Variants in MPP2 observed in about 807,000 individuals in gnomAD.
MPP2 encodes the protein MAGUK p55 subfamily member 2.
MPP2 carries 42 observed loss-of-function variants against 58.5 expected under a neutral mutation model. That is an observed-to-expected ratio of 0.72 (90% CI 0.56 to 0.93). The LOEUF (loss-of-function observed/expected upper bound fraction) is 0.93, where lower values mean the gene tolerates loss of function less well. Ranked by LOEUF, MPP2 falls within the 40% of genes least tolerant of loss-of-function variation. MPP2 has a pLI of 0.00. For missense variants in MPP2, 632 were observed against 760.4 expected (o/e 0.83, Z 1.99); for synonymous variants, 300 against 307.8 (o/e 0.97, Z 0.26).
In MPP2 at chr17:43,877,692, A is replaced by G; in HGVS notation, c.*115T>C. On this transcript the variant is annotated 3_prime_UTR_variant, in exon 13 of 13. Transcript: ENST00000269095. ...TAGGGCCTGCTGGGAGCTGTTACCCAAGGACAGCCAGATATGGGGGCTAAG... is the reference window on the plus strand; with the variant it reads ...TAGGGCCTGCTGGGAGCTGTTACCCGAGGACAGCCAGATATGGGGGCTAAG... 1 of 926,630 alleles carries G rather than the reference A, an allele frequency of 1.1e-6. No homozygotes were observed. Among genetic ancestry groups the G allele is most frequent in the Non-Finnish European group, 1.7e-6 (1 of 593,352 alleles). 57.4% of individuals were successfully genotyped at this position (926,630 alleles called of 1,614,324 possible).
Position 43,880,743 on chromosome 17 carries a change from C to T in MPP2, c.1098G>A (p.Leu366=). ...GATCCCACATGATGAGCTTGTTCTT[C>T]AGGCTGCGCCGTCCCACGCCCTGAG... is the stretch of plus-strand genomic sequence containing the variant. ...IGAQGVGRRS[L]KNKLIMWDPD... is the part of the protein sequence containing the mutation. The change falls in exon 10 of 13, where the codon CTG becomes CTA. Residue 366 remains leucine (L), a synonymous_variant. Coordinates refer to ENST00000269095, the MANE Select transcript of MPP2 (RefSeq NM_005374.5). The surrounding 1 kb of genome is among the most constrained non-coding windows in gnomAD (Gnocchi z 5.2). The T allele has an allele frequency of 3.1e-6, 5 of 1,613,994 alleles. No homozygotes were observed. Among genetic ancestry groups the T allele is most frequent in the Non-Finnish European group, 4.2e-6 (5 of 1,179,910 alleles).
intron 1 of MPP2, 38 bp from the exon 2 acceptor site, chr17:43,904,531 G>GCAGATA: frequency 6.3e-7 from 1 of 1,577,072 alleles, no homozygotes; most frequent in Non-Finnish European, 8.7e-7. Flanking sequence ...AGATACAAGG[G>GCAGATA]CAAAGCAATG....
At chr17:43,885,999 T>C (rs2047351756) in intron 3 of MPP2, among the ~76,000 whole-genome samples, 1 of 151,554 alleles carries the variant, frequency 6.6e-6, no homozygotes, top group Non-Finnish European at 1.5e-5. Flanking sequence ...TCCCAGCTAC[T>C]CAGGAGGCTG....
At chr17:43,909,077 A>AT (rs1423497324), upstream of MPP2, among the ~76,000 whole-genome samples, 1 of 151,484 alleles carries the variant, frequency 6.6e-6, no homozygotes, top group Non-Finnish European at 1.5e-5. Context: ...TTTTATTTTT[A>AT]TTTTTTGAGA....
At chr17:43,883,119 A>G in intron 4 of MPP2, 67 bp from the exon 5 acceptor site, 1 of 1,559,078 alleles carries the variant, frequency 6.4e-7, no homozygotes, top group Non-Finnish European at 8.7e-7. Context: ...TCCCAGATCC[A>G]ACTTCCTGCT....
chr17:43,904,305 G>T, intron 2 of MPP2, 125 bp downstream of exon 2: 1 of 812,662 alleles, frequency 1.2e-6, no homozygotes, highest in Non-Finnish European at 2.1e-6. Flanking sequence ...ATGGCTGAGT[G>T]GTAGGGTGGA....
chr17:43,897,557 C>A (rs759989706), intron 3 of MPP2, among the ~76,000 whole-genome samples: 2 of 152,182 alleles, frequency 1.3e-5, no homozygotes, highest in Non-Finnish European at 2.9e-5. Context: ...CCACATACAG[C>A]CCCCAGTGCC....
intron 3 of MPP2, among the ~76,000 whole-genome samples, chr17:43,884,458 G>A (rs1440649643): frequency 2.0e-5 from 3 of 152,160 alleles, no homozygotes; most frequent in Non-Finnish European, 2.9e-5. Context: ...GGCTTCAAGT[G>A]ATCCTCCTGC....
rs766026040 is a variant in MPP2, at chr17:43,880,869, G to A, written c.989-17C>T. ...GGTCAAACTCTGGACACAGGGAGAT[G>A]GCGCTGCTCACCAGGCTGCACGGTG... On this transcript the variant is annotated splice_polypyrimidine_tract_variant and intron_variant, in intron 9 of 12. Transcript: ENST00000269095. This position sits in a 1 kb window ranked among gnomAD's most constrained non-coding sequence, Gnocchi z 5.2. 2 of 1,586,562 alleles carry A rather than the reference G, an allele frequency of 1.3e-6. No homozygotes were observed. Among genetic ancestry groups the A allele is most frequent in the South Asian group, 2.3e-5 (2 of 87,224 alleles).
intron 1 of MPP2, 89 bp downstream of exon 1, chr17:43,907,385 A>C: frequency 2.0e-6 from 2 of 985,526 alleles, no homozygotes; most frequent in Non-Finnish European, 2.4e-6. Context: ...GTTTAAACCC[A>C]GTGAATAGGG....
At chr17:43,884,551 T>C (rs2047283944) in intron 3 of MPP2, among the ~76,000 whole-genome samples, 1 of 152,206 alleles carries the variant, frequency 6.6e-6, no homozygotes, top group South Asian at 2.1e-4. Context: ...CAGTAGTTTT[T>C]AGGATGCTCT....
Position 43,881,061 on chromosome 17 carries a change from G to C in MPP2, c.988+29C>G, listed in dbSNP as rs372591611. The stretch of plus-strand genomic sequence containing the variant: ...GGAAAGGCATGCCATGTTAGAGGAG[G>C]GTAAGGGAGGGGGCGCTCTGATACC... On this transcript the variant is annotated intron_variant, in intron 9 of 12. Coordinates refer to ENST00000269095, the MANE Select transcript of MPP2 (RefSeq NM_005374.5). The C allele has an allele frequency of 3.7e-6, 6 of 1,611,424 alleles. No individual in the cohort carries two copies. The African/African-American group carries it at 8.0e-5, about 22-fold the overall frequency.
At chr17:43,887,993 T>A (rs570561596) in intron 3 of MPP2, among the ~76,000 whole-genome samples, 1 of 152,250 alleles carries the variant, frequency 6.6e-6, no homozygotes, top group East Asian at 1.9e-4. Flanking sequence ...AGATTATGCA[T>A]GACTTGTTGA....
Position 43,906,261 on chromosome 17 carries a change from G to A in MPP2, c.-34+1213C>T, listed in dbSNP as rs112384279. ...TTCTCCCGGGGAATCGGTTCCCAGAGCATCGGCTGGCTTTGCTCCCCCACG... is the reference window on the plus strand; with the variant it reads ...TTCTCCCGGGGAATCGGTTCCCAGAACATCGGCTGGCTTTGCTCCCCCACG... On this transcript the variant is annotated intron_variant, in intron 1 of 12. Transcript: ENST00000269095. 2.6e-5 allele frequency: 11 copies of A among 419,656 alleles called. 1 individual carries two copies. The highest frequency in any genetic ancestry group is 2.2e-5 in the Non-Finnish European group (7 of 315,560). 26.0% of individuals were successfully genotyped at this position (419,656 alleles called of 1,614,324 possible).
Position 43,879,352 on chromosome 17 carries a change from CGAT to C in MPP2, c.1402_1404del (p.Ile468del). On this transcript the variant is annotated inframe_deletion, in exon 12 of 13. Coordinates refer to ENST00000269095, the MANE Select transcript of MPP2 (RefSeq NM_005374.5). This position sits in a 1 kb window ranked among gnomAD's most constrained non-coding sequence, Gnocchi z 4.1. ...CGCAGGGTCTCGAAGTCTGGGGCCT[CGAT>C]GAACACCACGTAAGGGACAAACTCG... 1.9e-6 allele frequency: 3 copies of C among 1,614,118 alleles called. No individual in the cohort carries two copies. Among genetic ancestry groups the C allele is most frequent in the Non-Finnish European group, 2.5e-6 (3 of 1,180,006 alleles).
intron 2 of MPP2, among the ~76,000 whole-genome samples, chr17:43,903,293 A>G (rs1357231758): frequency 6.6e-6 from 1 of 151,862 alleles, no homozygotes; most frequent in African/African-American, 2.4e-5. Context: ...AAAAAAAAGA[A>G]AAAGAAAAAA....
chr17:43,895,412 T>C (rs1443902279), intron 3 of MPP2, among the ~76,000 whole-genome samples: 1 of 152,246 alleles, frequency 6.6e-6, no homozygotes, highest in Non-Finnish European at 1.5e-5. Context: ...CCGTGCCGTG[T>C]GCCTCATACT....
Position 43,879,907 on chromosome 17 carries a change from C to G in MPP2, c.1228G>C (p.Asp410His), listed in dbSNP as rs908592855. ...TCCAGGTAGCGCCCAGCACGGACGT[C>G]AGCCTCCATCTCCCCACGGGACACA... Reference protein sequence around the residue: ...SFVSRGEMEADVRAGRYLEHG... With the variant: ...SFVSRGEMEAHVRAGRYLEHG... The change falls in exon 11 of 13, where the codon GAC becomes CAC. Residue 410 changes from aspartate (D) to histidine (H), a missense_variant. Coordinates refer to ENST00000269095, the MANE Select transcript of MPP2 (RefSeq NM_005374.5). The surrounding 1 kb of genome is among the most constrained non-coding windows in gnomAD (Gnocchi z 4.1). The G allele has an allele frequency of 1.9e-6, 3 of 1,614,126 alleles. No homozygotes were observed. Among genetic ancestry groups the G allele is most frequent in the Non-Finnish European group, 2.5e-6 (3 of 1,180,004 alleles).
chr17:43,878,123 C>T, intron 12 of MPP2, 140 bp from the exon 13 acceptor site: 1 of 824,762 alleles, frequency 1.2e-6, no homozygotes, highest in Non-Finnish European at 1.8e-6. Context: ...GGCAGGGGCC[C>T]CTCTCTGCGT....
Sources: gnomAD v4.1 joint callset for allele counts (sites outside exome capture counted in the v4.1 genomes callset) on GRCh38, gnomAD v4.1.1 for gene constraint, Gnocchi (gnomAD v3.1) non-coding constraint, MANE v1.5 for transcripts, NCBI Gene and HGNC (gene_info 2026-07-23, HGNC 2026-07-21) for gene names.